The following NUP155 variants were observed in gnomAD, a reference collection of about 807,000 sequenced individuals.
NUP155 encodes nuclear pore complex protein Nup155.
In NUP155, 71 loss-of-function variants were observed where a neutral mutation model predicts 180.4. The observed-to-expected ratio is 0.39, with a 90% CI of 0.33 to 0.48. The LOEUF (loss-of-function observed/expected upper bound fraction) is 0.48. Among genes scored for constraint, NUP155 ranks in the 20% least tolerant of loss-of-function variants. NUP155 has a pLI of 0.91. For missense variants in NUP155, 1,553 were observed against 1,648.9 expected (o/e 0.94, Z 1.01); for synonymous variants, 582 against 559.5 (o/e 1.04, Z -0.57).
intron 1 of NUP155, among the ~76,000 whole-genome samples, chr5:37,370,028 T>C (rs1318337771): frequency 1.3e-5 from 2 of 152,266 alleles, no homozygotes; most frequent in African/African-American, 4.8e-5. Flanking sequence ...CCACTGGTAG[T>C]TCTTTTAAGA....
Position 37,288,663 on chromosome 5 carries a change from A to C in NUP155, c.*3237T>G, listed in dbSNP as rs1282608861. Reference sequence around the variant, plus strand: ...GCCTATAATCCCAGCACTTTGGGAGACTGAGGCAGGGGAATCACTTAAGGC... The same window carrying C: ...GCCTATAATCCCAGCACTTTGGGAGCCTGAGGCAGGGGAATCACTTAAGGC... On this transcript the variant is annotated 3_prime_UTR_variant, in exon 35 of 35. Coordinates refer to ENST00000231498, the MANE Select transcript of NUP155 (RefSeq NM_153485.3). The C allele has an allele frequency of 6.9e-6, 1 of 143,932 alleles. No individual in the cohort carries two copies. The highest frequency in any genetic ancestry group is 1.5e-5 in the Non-Finnish European group (1 of 65,350). The allele number at this position is 143,932 out of a possible 1,614,324, so 8.9% of individuals were successfully genotyped here. A position where few individuals can be genotyped will look rare whatever the true frequency, so the allele number is the denominator to read the frequency against.
Position 37,302,766 on chromosome 5 carries a change from CT to C in NUP155, c.3447+12del. The C allele has an allele frequency of 1.9e-6, 3 of 1,613,614 alleles. No homozygotes were observed. The highest frequency in any genetic ancestry group is 2.5e-6 in the Non-Finnish European group (3 of 1,179,712). On this transcript the variant is annotated intron_variant, in intron 29 of 34. Coordinates refer to ENST00000231498, the MANE Select transcript of NUP155 (RefSeq NM_153485.3). ...ACTCAATGTGGACACAGCTTAAGAT[CT>C]TTAGCACTTACCTCCATTTTTTCTT...
intron 7 of NUP155, 128 bp downstream of exon 7, chr5:37,350,026 TTATGAA>T: frequency 1.4e-6 from 1 of 721,334 alleles, no homozygotes; most frequent in South Asian, 1.5e-5. Context: ...TTAAAAGACC[TTATGAA>T]TATATAAGAA....
chr5:37,353,370 G>A (rs1746596160), intron 4 of NUP155, among the ~76,000 whole-genome samples: 2 of 152,038 alleles, frequency 1.3e-5, no homozygotes, highest in Admixed American at 1.3e-4. Flanking sequence ...ATCACCTGAG[G>A]TCAGGAGTTT....
rs768898632 is a variant in NUP155 at position 37,370,874 on chromosome 5, T to C, written c.104A>G (p.Gln35Arg). 1 of 1,614,154 alleles carries C rather than the reference T, an allele frequency of 6.2e-7. No individual in the cohort carries two copies. The highest frequency in any genetic ancestry group is 1.7e-5 in the Admixed American group (1 of 60,000). Reference protein sequence around the residue: ...NAGRLIDRQLQEDRMYPDLSE... With the variant: ...NAGRLIDRQLREDRMYPDLSE... ...AAGGTCCGGGTACATGCGGTCCTCT[T>C]GCAACTGACGGTCGATGAGCCGTCC... The change falls in exon 1 of 35, where the codon CAA (glutamine) becomes CGA (arginine). Residue 35 changes from glutamine to arginine, a missense_variant. Transcript: ENST00000231498.
Position 37,349,256 on chromosome 5 carries a change from G to C in NUP155, c.830-11C>G, listed in dbSNP as rs1418079328. 1.5e-6 allele frequency: 1 copy of C among 671,018 alleles called. No homozygotes were observed. Among genetic ancestry groups the C allele is most frequent in the Non-Finnish European group, 2.3e-6 (1 of 432,686 alleles). The allele number at this position is 671,018 out of a possible 1,614,324, so 41.6% of individuals were successfully genotyped here. A position where few individuals can be genotyped will look rare whatever the true frequency, so the allele number is the denominator to read the frequency against. ...TTTGAAGAATAGGATCTAAAAGTAA[G>C]ACAAAAAAAAAAAAGAGAAAAAAGT... On this transcript the variant is annotated splice_polypyrimidine_tract_variant and intron_variant, in intron 7 of 34. Transcript: ENST00000231498.
intron 16 of NUP155, 81 bp from the exon 17 acceptor site, chr5:37,328,501 G>GT: frequency 9.1e-7 from 1 of 1,096,596 alleles, no homozygotes. Flanking sequence ...GGTAAAGAAG[G>GT]TATTTCCTTT....
intron 29 of NUP155, among the ~76,000 whole-genome samples, chr5:37,301,805 C>T (rs1291240611): frequency 6.6e-6 from 1 of 152,216 alleles, no homozygotes; most frequent in Non-Finnish European, 1.5e-5. Context: ...TTAGACTATA[C>T]AGCTCAGCCT....
rs181859432 is a variant in NUP155, at chr5:37,338,684, C to T, written c.1247-766G>A. Among the ~76,000 whole-genome samples, 69 of 152,216 alleles carry T rather than the reference C, an allele frequency of 4.5e-4. 1 individual carries two copies. Among genetic ancestry groups the T allele is most frequent in the Admixed American group, 7.2e-4 (11 of 15,280 alleles). ...CCTCCCAAAGTACTGGAATTACAGG[C>T]GTGAGCCACTGCGCCCAACCGAACA... On this transcript the variant is annotated intron_variant, in intron 11 of 34. Coordinates refer to ENST00000231498, the MANE Select transcript of NUP155 (RefSeq NM_153485.3).
rs550134310 is a variant in NUP155, at chr5:37,353,561, G to A, written c.464-732C>T. On this transcript the variant is annotated intron_variant, in intron 4 of 34. Coordinates refer to ENST00000231498, the MANE Select transcript of NUP155 (RefSeq NM_153485.3). Reference sequence around the variant, plus strand: ...CACGCCATTACACCCCAGTCTGGACGACAGAGTGAGACTCCATCTCAAAAA... The same window carrying A: ...CACGCCATTACACCCCAGTCTGGACAACAGAGTGAGACTCCATCTCAAAAA... Among the ~76,000 whole-genome samples, 227 of 152,080 alleles carry A rather than the reference G, an allele frequency of 1.5e-3. 2 individuals carry two copies. Among genetic ancestry groups the A allele is most frequent in the South Asian group, 7.5e-3 (36 of 4,824 alleles).
intron 1 of NUP155, chr5:37,370,525 G>A: frequency 1.5e-6 from 1 of 654,216 alleles, no homozygotes; most frequent in Admixed American, 3.2e-5. Flanking sequence ...TTCTCATATG[G>A]CCTTAGCCAT....
chr5:37,365,730 A>T (rs1561818709), intron 1 of NUP155, among the ~76,000 whole-genome samples: 10 of 56,870 alleles, frequency 1.8e-4, no homozygotes, highest in African/African-American at 5.2e-4. Flanking sequence ...AAAAAAAAAA[A>T]AAAAAAAAAT....
chr5:37,358,246 A>C, intron 3 of NUP155, 95 bp from the exon 4 acceptor site: 1 of 862,212 alleles, frequency 1.2e-6, no homozygotes, highest in East Asian at 2.5e-5. Flanking sequence ...TGGGAGTCTG[A>C]GGCAGGAGGA....
At chr5:37,305,247 A>T (rs769070655) in intron 25 of NUP155, 37 bp from the exon 26 acceptor site, 1 of 1,563,642 alleles carries the variant, frequency 6.4e-7, no homozygotes, top group Non-Finnish European at 8.8e-7. Context: ...TACATTATTT[A>T]ACTAGAAAGC....
Position 37,291,810 on chromosome 5 carries a change from TAC to T in NUP155, c.*88_*89del. On this transcript the variant is annotated 3_prime_UTR_variant, in exon 35 of 35. Transcript: ENST00000231498. The stretch of plus-strand genomic sequence containing the variant: ...AACATATTTCTATTAAGATTGTTCT[TAC>T]ATTCTTAGATTTAGAACACCTGATA... 8.5e-7 allele frequency: 1 copy of T among 1,173,908 alleles called. No homozygotes were observed. The highest frequency in any genetic ancestry group is 2.4e-5 in the East Asian group (1 of 42,496). 72.7% of individuals were successfully genotyped at this position (1,173,908 alleles called of 1,614,324 possible).
At chr5:37,293,171 A>G (rs1184544122) in intron 33 of NUP155, 186 bp from the exon 34 acceptor site, 1 of 556,694 alleles carries the variant, frequency 1.8e-6, no homozygotes, top group Non-Finnish European at 3.2e-6. Context: ...TTAAAAACTT[A>G]TTAATTAACA....
chr5:37,331,861 T>C (rs1581171172), intron 13 of NUP155, 66 bp from the exon 14 acceptor site: 2 of 927,696 alleles, frequency 2.2e-6, no homozygotes, highest in African/African-American at 3.2e-5. Context: ...CAACTGACTC[T>C]ACCTTATTTG....
At chr5:37,333,130 G>A (rs1259859496) in intron 13 of NUP155, among the ~76,000 whole-genome samples, 1 of 152,040 alleles carries the variant, frequency 6.6e-6, no homozygotes, top group African/African-American at 2.4e-5. Flanking sequence ...CGAGGCAGGC[G>A]GACCACCTGA....
Position 37,318,027 on chromosome 5 carries a change from G to C in NUP155, c.2266C>G (p.Pro756Ala), listed in dbSNP as rs1312385374. ...IGFMRPENGN[P>A]QQMQQELQRK... is the part of the protein sequence containing the mutation. ...TGCAGTTCCTGTTGCATTTGCTGGG[G>C]ATTTCCGTTTTCAGGACGCATGAAT... The change falls in exon 21 of 35, where the codon CCC becomes GCC. Residue 756 changes from proline (P) to alanine (A), a missense_variant. Pro to Ala is a conservative substitution (Grantham distance 27, BLOSUM62 -1). Transcript: ENST00000231498. 7.4e-6 allele frequency: 12 copies of C among 1,612,656 alleles called. No homozygotes were observed. The highest frequency in any genetic ancestry group is 1.1e-5 in the South Asian group (1 of 91,062).
Sources: gnomAD v4.1 joint callset for allele counts (sites outside exome capture counted in the v4.1 genomes callset) on GRCh38, gnomAD v4.1.1 for gene constraint, MANE v1.5 for transcripts, NCBI Gene and HGNC (gene_info 2026-07-23, HGNC 2026-07-21) for gene names.